The following TRPM3 variants were observed in gnomAD, a reference collection of about 807,000 sequenced individuals.
The protein encoded by TRPM3 is long transient receptor potential channel 3.
TRPM3 carries 77 observed loss-of-function variants against 181.2 expected under a neutral mutation model. The observed-to-expected ratio is 0.42, with a 90% confidence interval of 0.35 to 0.51. The LOEUF (loss-of-function observed/expected upper bound fraction) is 0.51, where lower values mean the gene tolerates loss of function less well. TRPM3 is among the 20% of genes least tolerant of loss of function. The probability of loss-of-function intolerance (pLI) is 0.01; values close to 1 mark genes in which losing one functional copy is unlikely to be tolerated. For missense variants in TRPM3, 1,759 were observed against 2,196.7 expected, an observed-to-expected ratio of 0.80 and a Z score of 3.98; for synonymous variants, 745 against 796.4, an observed-to-expected ratio of 0.94 and a Z score of 1.09.
chr9:70,838,065 G>A (rs2131893833), intron 5 of TRPM3, among the ~76,000 whole-genome samples: 1 of 152,302 alleles, frequency 6.6e-6, no homozygotes, highest in East Asian at 1.9e-4. Flanking sequence ...TATGCTCATA[G>A]AAGTTGTATG....
intron 17 of TRPM3, among the ~76,000 whole-genome samples, chr9:70,616,348 C>G (rs1489387710): frequency 6.6e-6 from 1 of 151,956 alleles, no homozygotes; most frequent in Non-Finnish European, 1.5e-5. Flanking sequence ...AAGCATTTTG[C>G]CCAAATTTGT....
intron 1 of TRPM3, among the ~76,000 whole-genome samples, chr9:71,316,414 A>G (rs2088596502): frequency 6.6e-6 from 1 of 152,176 alleles, no homozygotes; most frequent in Non-Finnish European, 1.5e-5. Flanking sequence ...GAACATGTGA[A>G]TATGTTACTT....
chr9:70,571,006 A>G (rs2052171285), intron 22 of TRPM3, among the ~76,000 whole-genome samples: 1 of 152,108 alleles, frequency 6.6e-6, no homozygotes, highest in African/African-American at 2.4e-5. Flanking sequence ...TAACAGTATC[A>G]GTTATTTTGA....
intron 1 of TRPM3, among the ~76,000 whole-genome samples, chr9:71,110,657 G>A (rs2070870410): frequency 1.3e-5 from 2 of 152,126 alleles, no homozygotes; most frequent in South Asian, 4.1e-4. Context: ...TCATTTTATA[G>A]ATGAGAAAGC....
rs1223200734 is a variant in TRPM3 at position 70,532,641 on chromosome 9, A to AC, written c.*3311_*3312insG. The AC allele has an allele frequency of 8.1e-6, 1 of 123,040 alleles. No homozygotes were observed. 7.6% of individuals were successfully genotyped at this position (123,040 alleles called of 1,614,324 possible). ...TGGTCATTTTCATAAAACATCCTTAAATTTTTTTCAAAAGGAACAAGCAAT... is the reference window on the plus strand; with the variant it reads ...TGGTCATTTTCATAAAACATCCTTAACATTTTTTTCAAAAGGAACAAGCAAT... On this transcript the variant is annotated 3_prime_UTR_variant, in exon 26 of 26. Transcript: ENST00000677713.
intron 24 of TRPM3, among the ~76,000 whole-genome samples, chr9:70,551,991 T>C (rs2046574500): frequency 2.0e-5 from 3 of 152,224 alleles, no homozygotes; most frequent in Admixed American, 2.0e-4. Context: ...CCAAATCGTT[T>C]TGGTTTCAAA....
chr9:70,903,726 A>G (rs1057176738), intron 1 of TRPM3, among the ~76,000 whole-genome samples: 4 of 152,194 alleles, frequency 2.6e-5, no homozygotes, highest in Admixed American at 2.6e-4. Flanking sequence ...CCAGTAGACA[A>G]TAAGGCAAGA....
chr9:71,047,311 T>C (rs1449824385), intron 1 of TRPM3, among the ~76,000 whole-genome samples: 1 of 152,224 alleles, frequency 6.6e-6, no homozygotes, highest in Non-Finnish European at 1.5e-5. Flanking sequence ...GTCATTAATA[T>C]GGCTCTTCAA....
rs755833833 is a variant in TRPM3, at chr9:71,401,197, C to CG, written c.183+45455_183+45456insC. ...TAAGGGTCAAAGTGAGACACCATCG[C>CG]AAAAAAAAAAAAAAAAAAAGAATCT... On this transcript the variant is annotated intron_variant, in intron 1 of 24. Coordinates refer to the TRPM3 transcript ENST00000357533. 1.9e-3 allele frequency among the ~76,000 whole-genome samples: 198 copies of CG among 105,768 alleles called. 11 individuals carry two copies. The highest frequency in any genetic ancestry group is 0.011 in the Middle Eastern group (2 of 190). The allele number at this position is 105,768 out of a possible 152,430, so 69.4% of individuals were successfully genotyped here.
chr9:70,667,209 A>G (rs1375963503), intron 9 of TRPM3, among the ~76,000 whole-genome samples: 1 of 152,058 alleles, frequency 6.6e-6, no homozygotes, highest in Non-Finnish European at 1.5e-5. Flanking sequence ...GCTGACTGGA[A>G]GCCCCCGAGA....
chr9:71,036,775 T>C (rs1311999602), intron 1 of TRPM3, among the ~76,000 whole-genome samples: 1 of 152,216 alleles, frequency 6.6e-6, no homozygotes, highest in Non-Finnish European at 1.5e-5. Context: ...AACGACAGCA[T>C]GGAAAACCGG....
chr9:70,605,065 G>T (rs149800576), intron 19 of TRPM3, among the ~76,000 whole-genome samples: 1 of 146,378 alleles, frequency 6.8e-6, no homozygotes, highest in Admixed American at 7.1e-5. Context: ...AGCGATTCTC[G>T]TGCCTCAGCC....
At chr9:70,851,758 G>T (rs886229501) in intron 3 of TRPM3, among the ~76,000 whole-genome samples, 1 of 152,084 alleles carries the variant, frequency 6.6e-6, no homozygotes, top group African/African-American at 2.4e-5. Flanking sequence ...GAGACAGTAG[G>T]TGAGGTCACA....
intron 1 of TRPM3, among the ~76,000 whole-genome samples, chr9:70,920,180 T>A (rs1233506325): frequency 6.6e-6 from 1 of 152,226 alleles, no homozygotes; most frequent in African/African-American, 2.4e-5. Context: ...ATATTTGATA[T>A]GCAGTAGGAA....
At position 70,642,311 on chromosome 9, in the gene TRPM3, G is replaced by A. The variant is rs1235734886; in HGVS notation, c.1346-1651C>T. Among the ~76,000 whole-genome samples, 3 of 152,278 alleles carry A rather than the reference G, an allele frequency of 2.0e-5. No individual in the cohort carries two copies. The East Asian group carries it at 5.8e-4, about 29-fold the overall frequency. ...AAAACAGCTACTAACAGGGTAAATG[G>A]AAGAAGTATTCAGCAAACTAGAGGT... On this transcript the variant is annotated intron_variant, in intron 9 of 25. Transcript: ENST00000677713.
At chr9:71,260,458 T>C (rs2082965640) in intron 1 of TRPM3, among the ~76,000 whole-genome samples, 1 of 152,212 alleles carries the variant, frequency 6.6e-6, no homozygotes, top group South Asian at 2.1e-4. Flanking sequence ...ACTGAATCTA[T>C]CAATTACTTT....
At chr9:71,372,257 C>T (rs1185383620) in intron 1 of TRPM3, among the ~76,000 whole-genome samples, 1 of 152,116 alleles carries the variant, frequency 6.6e-6, no homozygotes, top group African/African-American at 2.4e-5. Context: ...AGGCTGATTC[C>T]ATGACTTTGC....
At chr9:71,175,480 G>T (rs751307407) in intron 1 of TRPM3, among the ~76,000 whole-genome samples, 14 of 152,150 alleles carry the variant, frequency 9.2e-5, no homozygotes, top group Non-Finnish European at 2.1e-4. Context: ...CAAAGACAGG[G>T]ATGTGTGTGA....
At chr9:70,609,747 C>CATT (rs1564543185) in intron 19 of TRPM3, among the ~76,000 whole-genome samples, 1 of 152,218 alleles carries the variant, frequency 6.6e-6, no homozygotes, top group African/African-American at 2.4e-5. Context: ...TCATTTGAGT[C>CATT]ATTTTGGCCT....
Sources: gnomAD v4.1 joint callset for allele counts (sites outside exome capture counted in the v4.1 genomes callset) on GRCh38, gnomAD v4.1.1 for gene constraint, MANE v1.5 for transcripts, NCBI Gene and HGNC (gene_info 2026-07-23, HGNC 2026-07-21) for gene names.